The following MINDY3 variants were observed in gnomAD, a reference collection of about 807,000 sequenced individuals.
MINDY3 encodes MINDY lysine 48 deubiquitinase 3.
Under a neutral mutation model 69.2 loss-of-function variants are expected in MINDY3, and 38 were observed. That is an observed-to-expected ratio of 0.55 (90% confidence interval 0.42 to 0.72). MINDY3 has a LOEUF of 0.72. Ranked by LOEUF, MINDY3 falls within the 30% of genes least tolerant of loss-of-function variation. The probability of loss-of-function intolerance (pLI) is 0.00; values close to 1 mark genes in which losing one functional copy is unlikely to be tolerated. For synonymous variants in MINDY3, 192 were observed against 180.1 expected, an observed-to-expected ratio of 1.07 and a Z score of -0.53; for missense variants, 522 against 519.0, an observed-to-expected ratio of 1.01 and a Z score of -0.06.
At chr10:15,833,854 T>A in intron 7 of MINDY3, 145 bp from the exon 8 acceptor site, 1 of 636,872 alleles carries the variant, frequency 1.6e-6, no homozygotes, top group Non-Finnish European at 2.8e-6. Flanking sequence ...TTTTCAATTT[T>A]ATATATTCGG....
chr10:15,828,578 T>TAA (rs57020273), intron 8 of MINDY3, among the ~76,000 whole-genome samples: 20,418 of 144,948 alleles, frequency 0.14, 2,875 homozygotes, highest in African/African-American at 0.37. Context: ...AAGCTATAAG[T>TAA]AAAAAAAAAA....
intron 1 of MINDY3, among the ~76,000 whole-genome samples, chr10:15,850,823 G>A (rs146762995): frequency 0.015 from 2,349 of 152,078 alleles, 48 homozygotes; most frequent in African/African-American, 0.051. Flanking sequence ...CTGGTTTTGC[G>A]GCTCAGGGGG....
chr10:15,840,757 T>C (rs1053118236), intron 4 of MINDY3, among the ~76,000 whole-genome samples: 3 of 151,768 alleles, frequency 2.0e-5, no homozygotes, highest in South Asian at 4.1e-4. Context: ...TCCGTACCAC[T>C]AGCTGTCTCC....
At chr10:15,822,554 T>C (rs1463963630) in intron 8 of MINDY3, among the ~76,000 whole-genome samples, 1 of 152,214 alleles carries the variant, frequency 6.6e-6, no homozygotes, top group Non-Finnish European at 1.5e-5. Context: ...TAAATGTTTC[T>C]GGTCTGGGGG....
At chr10:15,779,266 T>A in intron 14 of MINDY3, 125 bp from the exon 15 acceptor site, 1 of 695,688 alleles carries the variant, frequency 1.4e-6, no homozygotes, top group Non-Finnish European at 2.2e-6. Context: ...ACTTGACATG[T>A]AATTTTATTT....
At chr10:15,812,709 G>A (rs1464531859) in intron 10 of MINDY3, among the ~76,000 whole-genome samples, 1 of 152,150 alleles carries the variant, frequency 6.6e-6, no homozygotes, top group African/African-American at 2.4e-5. Flanking sequence ...TGTCTGAGAG[G>A]TACCTCTTAT....
intron 9 of MINDY3, among the ~76,000 whole-genome samples, chr10:15,820,152 G>A (rs1839656746): frequency 1.3e-5 from 2 of 152,108 alleles, no homozygotes; most frequent in Admixed American, 1.3e-4. Context: ...AATATCTGAG[G>A]GAGTGGTCAA....
intron 14 of MINDY3, among the ~76,000 whole-genome samples, chr10:15,779,789 T>C (rs1686923712): frequency 6.6e-6 from 1 of 152,166 alleles, no homozygotes; most frequent in Admixed American, 6.5e-5. Context: ...CGTTGAAAGA[T>C]CAAACTAACC....
intron 8 of MINDY3, among the ~76,000 whole-genome samples, chr10:15,833,233 A>G (rs976941788): frequency 1.3e-5 from 2 of 152,234 alleles, no homozygotes; most frequent in Non-Finnish European, 2.9e-5. Context: ...ACGCACATTA[A>G]AAGTAATATA....
Position 15,803,984 on chromosome 10 carries a change from G to A in MINDY3, c.883-7812C>T, listed in dbSNP as rs142813643. Among the ~76,000 whole-genome samples the A allele has an allele frequency of 7.9e-5, 12 of 152,166 alleles. No homozygotes were observed. The East Asian group carries it at 2.3e-3, about 29-fold the overall frequency. ...TTTGGAACTCTTTTAGGTACCCTCA[G>A]TAGGAAGAGATCCTACACATGAGAC... On this transcript the variant is annotated intron_variant, in intron 10 of 14. Coordinates refer to ENST00000277632, the MANE Select transcript of MINDY3 (RefSeq NM_024948.4).
chr10:15,846,670 T>TA (rs1833865509), intron 2 of MINDY3, among the ~76,000 whole-genome samples: 1 of 152,048 alleles, frequency 6.6e-6, no homozygotes, highest in Admixed American at 6.5e-5. Flanking sequence ...ATGCTCTATA[T>TA]AGAGCATAAG....
chr10:15,823,942 CT>C (rs1165733647), intron 8 of MINDY3, among the ~76,000 whole-genome samples: 1 of 152,102 alleles, frequency 6.6e-6, no homozygotes. Flanking sequence ...AGATTATGAC[CT>C]CCAGTTCCAT....
intron 2 of MINDY3, among the ~76,000 whole-genome samples, chr10:15,846,112 C>T (rs1239545605): frequency 1.3e-5 from 2 of 152,088 alleles, no homozygotes; most frequent in African/African-American, 4.8e-5. Flanking sequence ...CATGAGCCAC[C>T]ACGCCTGGCC....
chr10:15,822,502 A>C (rs147589681), intron 8 of MINDY3, among the ~76,000 whole-genome samples: 3 of 152,214 alleles, frequency 2.0e-5, no homozygotes, highest in Non-Finnish European at 2.9e-5. Flanking sequence ...AGGTATGAAA[A>C]ATCGATGCAT....
intron 1 of MINDY3, among the ~76,000 whole-genome samples, chr10:15,854,793 G>A (rs1238632448): frequency 5.3e-5 from 8 of 152,102 alleles, no homozygotes; most frequent in African/African-American, 1.9e-4. Context: ...TCAAAAATAG[G>A]ACAAATGGAG....
intron 10 of MINDY3, among the ~76,000 whole-genome samples, chr10:15,803,669 T>C (rs181946273): frequency 5.9e-5 from 9 of 152,186 alleles, no homozygotes; most frequent in Admixed American, 5.2e-4. Flanking sequence ...TAATAGATGG[T>C]AGAGAAAAAC....
chr10:15,822,578 G>A (rs1839843331), intron 8 of MINDY3, among the ~76,000 whole-genome samples: 1 of 152,198 alleles, frequency 6.6e-6, no homozygotes, highest in Admixed American at 6.5e-5. Flanking sequence ...ATGATAAATA[G>A]TGATTAACAC....
intron 8 of MINDY3, among the ~76,000 whole-genome samples, chr10:15,822,402 A>G (rs569330172): frequency 1.3e-5 from 2 of 152,328 alleles, no homozygotes; most frequent in South Asian, 2.1e-4. Context: ...TATAAAAGTG[A>G]TAACAGGGAG....
chr10:15,833,628 A>T lies in MINDY3; in HGVS notation c.730+2T>A. 6.4e-7 allele frequency: 1 copy of T among 1,555,128 alleles called. No individual in the cohort carries two copies. The highest frequency in any genetic ancestry group is 8.9e-7 in the Non-Finnish European group (1 of 1,127,060). ...GAGCAACATAACAAGGAATATACTTACTCATTCCTGAGCACTCTCTATCAC... is the reference window on the plus strand; with the variant it reads ...GAGCAACATAACAAGGAATATACTTTCTCATTCCTGAGCACTCTCTATCAC... On this transcript the variant is annotated splice_donor_variant, in intron 8 of 14. Transcript: ENST00000277632. LOFTEE classifies it high-confidence loss of function.
Sources: gnomAD v4.1 joint callset for allele counts (sites outside exome capture counted in the v4.1 genomes callset) on GRCh38, gnomAD v4.1.1 for gene constraint, MANE v1.5 for transcripts, NCBI Gene and HGNC (gene_info 2026-07-23, HGNC 2026-07-21) for gene names.